Variants in CSMD1 observed in about 807,000 individuals in gnomAD.
CSMD1 encodes the protein CUB and sushi domain-containing protein 1.
CSMD1 carries 213 observed loss-of-function variants against 417.5 expected under a neutral mutation model. The observed-to-expected ratio is 0.51, with a 90% CI of 0.46 to 0.57. The LOEUF (loss-of-function observed/expected upper bound fraction) is 0.57. CSMD1 is among the 20% of genes least tolerant of loss of function. The pLI, the probability that CSMD1 is intolerant of heterozygous loss-of-function variation, is 0.00. For missense variants in CSMD1, 6,923 were observed against 4,529.7 expected, an observed-to-expected ratio of 1.53 and a Z score of -15.17; for synonymous variants, 2,862 against 1,736.8, an observed-to-expected ratio of 1.65 and a Z score of -16.11.
At chr8:4,026,891 G>T (rs577253797) in intron 4 of CSMD1, among the ~76,000 whole-genome samples, 1 of 152,058 alleles carries the variant, frequency 6.6e-6, no homozygotes, top group Non-Finnish European at 1.5e-5. Context: ...GGTGTAGTAT[G>T]CTGCTGAGCG....
intron 5 of CSMD1, among the ~76,000 whole-genome samples, chr8:3,994,568 T>C (rs1405082311): frequency 6.6e-6 from 1 of 151,908 alleles, no homozygotes. Context: ...CAACTCTCTG[T>C]TAAAGCAAGG....
chr8:3,492,273 T>C (rs187952125), intron 11 of CSMD1, among the ~76,000 whole-genome samples: 1 of 152,078 alleles, frequency 6.6e-6, no homozygotes, highest in Admixed American at 6.5e-5. Flanking sequence ...TCTCAGAGCA[T>C]AAAGACATGA....
rs112628091 is a variant in CSMD1, at chr8:3,453,407, A to C, written c.1561+15305T>G. Reference sequence around the variant, plus strand: ...TGGTTTTTTTAATTGTGATGTTAGGATGTCAATTTTAGATCTTGCCTGCTT... The same window carrying C: ...TGGTTTTTTTAATTGTGATGTTAGGCTGTCAATTTTAGATCTTGCCTGCTT... On this transcript the variant is annotated intron_variant, in intron 12 of 69. Coordinates refer to ENST00000635120, the MANE Select transcript of CSMD1 (RefSeq NM_033225.6). 9.2e-5 allele frequency among the ~76,000 whole-genome samples: 14 copies of C among 151,722 alleles called. No homozygotes were observed. In the East Asian group the frequency reaches 2.3e-3, roughly 25 times the overall value.
At chr8:4,738,583 C>A (rs1322464963) in intron 1 of CSMD1, among the ~76,000 whole-genome samples, 1 of 152,208 alleles carries the variant, frequency 6.6e-6, no homozygotes, top group East Asian at 1.9e-4. Context: ...AATGGGGACA[C>A]AAAGCCTAAC....
At chr8:3,012,858 C>A (rs958493325) in intron 52 of CSMD1, among the ~76,000 whole-genome samples, 5 of 152,140 alleles carry the variant, frequency 3.3e-5, no homozygotes, top group African/African-American at 9.7e-5. Flanking sequence ...TAATAATCCC[C>A]ACCTGTCAAG....
chr8:3,114,345 T>C (rs1816725008), intron 42 of CSMD1, among the ~76,000 whole-genome samples: 1 of 151,886 alleles, frequency 6.6e-6, no homozygotes, highest in Non-Finnish European at 1.5e-5. Flanking sequence ...AGTATTATGT[T>C]AAGTTTTTTG....
At chr8:4,739,640 C>G (rs544978612) in intron 1 of CSMD1, among the ~76,000 whole-genome samples, 7 of 152,272 alleles carry the variant, frequency 4.6e-5, no homozygotes, top group African/African-American at 1.7e-4. Context: ...GGCATTAACA[C>G]AGGAAGCCAC....
At chr8:4,843,479 A>G (rs954508748) in intron 1 of CSMD1, among the ~76,000 whole-genome samples, 3 of 152,160 alleles carry the variant, frequency 2.0e-5, no homozygotes, top group African/African-American at 7.2e-5. Context: ...AATTGTGTGT[A>G]TAAAGGAAAG....
At chr8:4,024,123 G>C (rs2688280) in intron 4 of CSMD1, among the ~76,000 whole-genome samples, 32,754 of 151,968 alleles carry the variant, frequency 0.22, 4,424 homozygotes, top group South Asian at 0.32. Context: ...AAAGACAAGA[G>C]ATGTTACCAA....
At chr8:4,501,646 C>T (rs1343562179) in intron 2 of CSMD1, among the ~76,000 whole-genome samples, 1 of 152,142 alleles carries the variant, frequency 6.6e-6, no homozygotes, top group African/African-American at 2.4e-5. Flanking sequence ...CTAGCGCCAT[C>T]CCACTCCATC....
chr8:3,535,389 T>A (rs1420168315), intron 10 of CSMD1, among the ~76,000 whole-genome samples: 1 of 152,148 alleles, frequency 6.6e-6, no homozygotes, highest in East Asian at 1.9e-4. Flanking sequence ...AATAAAAGTG[T>A]GAACCCTGAC....
At chr8:3,429,465 C>T (rs938651474) in intron 12 of CSMD1, among the ~76,000 whole-genome samples, 18 of 152,138 alleles carry the variant, frequency 1.2e-4, no homozygotes, top group African/African-American at 4.1e-4. Flanking sequence ...CACTTGTACA[C>T]AGATGTTCAC....
At chr8:4,677,311 C>G (rs1026037730) in intron 1 of CSMD1, among the ~76,000 whole-genome samples, 1 of 151,672 alleles carries the variant, frequency 6.6e-6, no homozygotes, top group Non-Finnish European at 1.5e-5. Context: ...AAAGAAATTA[C>G]AATATACAAT....
At chr8:4,984,599 C>T (rs910619964) in intron 1 of CSMD1, among the ~76,000 whole-genome samples, 1 of 152,192 alleles carries the variant, frequency 6.6e-6, no homozygotes, top group Admixed American at 6.5e-5. Flanking sequence ...TTCCTGTTCC[C>T]TTCCTCCTCC....
intron 10 of CSMD1, among the ~76,000 whole-genome samples, chr8:3,518,966 T>G (rs1219438611): frequency 6.6e-6 from 1 of 152,242 alleles, no homozygotes. Context: ...AACAATGTTA[T>G]GTAGCACTTT....
chr8:3,997,962 A>G lies in CSMD1; in HGVS notation c.759T>C (p.Phe253=), dbSNP rs1449111802. The G allele has an allele frequency of 1.2e-6, 2 of 1,611,794 alleles. No individual in the cohort carries two copies. The highest frequency in any genetic ancestry group is 1.3e-5 in the African/African-American group (1 of 74,894). Reference sequence around the variant, plus strand: ...AGAAATCATATCCTTCTTCTAGCTGAAAGTCAGTGAAGACCAGCGCAATGG... The same window carrying G: ...AGAAATCATATCCTTCTTCTAGCTGGAAGTCAGTGAAGACCAGCGCAATGG... ...GDTIALVFTD[F]QLEEGYDFLE... Residue 253 remains phenylalanine, a synonymous_variant, in exon 5 of 70, where the codon TTT becomes TTC. Coordinates refer to ENST00000635120, the MANE Select transcript of CSMD1 (RefSeq NM_033225.6).
At chr8:3,963,977 C>G (rs1757957597) in intron 5 of CSMD1, among the ~76,000 whole-genome samples, 1 of 152,142 alleles carries the variant, frequency 6.6e-6, no homozygotes, top group Non-Finnish European at 1.5e-5. Context: ...GGTATTAAGT[C>G]AAACAGAATG....
rs993863880 is a variant in CSMD1 at position 4,285,312 on chromosome 8, T to A, written c.415+134641A>T. 7.9e-5 allele frequency among the ~76,000 whole-genome samples: 12 copies of A among 152,190 alleles called. No homozygotes were observed. The East Asian group carries it at 2.1e-3, about 27-fold the overall frequency. On this transcript the variant is annotated intron_variant, in intron 3 of 69. Transcript: ENST00000635120. The stretch of plus-strand genomic sequence containing the variant: ...ATAATCAAATTACTCTCTGAAGCCA[T>A]GTGCAGTCCTTTACTTTATATTTCA...
At chr8:3,978,838 T>C (rs1212599600) in intron 5 of CSMD1, among the ~76,000 whole-genome samples, 2 of 152,164 alleles carry the variant, frequency 1.3e-5, no homozygotes, top group African/African-American at 4.8e-5. Flanking sequence ...TCGTCTCCTC[T>C]TGATCCCTTC....
Sources: gnomAD v4.1 joint callset for allele counts (sites outside exome capture counted in the v4.1 genomes callset) on GRCh38, gnomAD v4.1.1 for gene constraint, MANE v1.5 for transcripts, NCBI Gene and HGNC (gene_info 2026-07-23, HGNC 2026-07-21) for gene names.